The following COL27A1 variants were observed in gnomAD, a reference collection of about 807,000 sequenced individuals.
COL27A1 encodes collagen type XXVII alpha 1 chain.
A neutral mutation model predicts 251.3 loss-of-function variants in COL27A1; 106 were observed. That is an observed-to-expected ratio of 0.42 (90% CI 0.36 to 0.50). The LOEUF (loss-of-function observed/expected upper bound fraction) is 0.50. Ranked by LOEUF, COL27A1 falls within the 20% of genes least tolerant of loss-of-function variation. COL27A1 has a pLI of 0.00. For missense variants in COL27A1, 2,325 were observed against 2,522.8 expected, an observed-to-expected ratio of 0.92 and a Z score of 1.68; for synonymous variants, 1,000 against 986.3, an observed-to-expected ratio of 1.01 and a Z score of -0.26.
intron 26 of COL27A1, 36 bp downstream of exon 26, chr9:114,252,682 G>C (rs368600441): frequency 1.3e-6 from 2 of 1,597,494 alleles, no homozygotes; most frequent in African/African-American, 2.7e-5. Flanking sequence ...GCCCTCTCCT[G>C]TTGCAGCCTT....
Position 114,180,781 on chromosome 9 carries a change from G to C in COL27A1, c.1963-2241G>C, listed in dbSNP as rs116771803. 7.4e-3 allele frequency among the ~76,000 whole-genome samples: 1,133 copies of C among 152,260 alleles called. 12 individuals carry two copies. The highest frequency in any genetic ancestry group is 0.037 in the Middle Eastern group (11 of 294). On this transcript the variant is annotated intron_variant, in intron 4 of 60. Coordinates refer to ENST00000356083, the MANE Select transcript of COL27A1 (RefSeq NM_032888.4). ...AGCATTTATAGAATTGGTCTGCTTG[G>C]CTTTCAGTCAACTATGTGCCTCGTT...
chr9:114,283,845 C>T (rs1465790281), intron 40 of COL27A1, 83 bp downstream of exon 40: 2 of 1,390,040 alleles, frequency 1.4e-6, no homozygotes, highest in African/African-American at 1.4e-5. Context: ...TCTGCCCCAC[C>T]ACCTCCCAGC....
rs149908872 is a variant in COL27A1 at position 114,220,591 on chromosome 9, G to A, written c.2421+747G>A. Among the ~76,000 whole-genome samples the A allele has an allele frequency of 4.0e-4, 61 of 152,312 alleles. 1 individual carries two copies. In the South Asian group the frequency reaches 8.1e-3, roughly 20 times the overall value. On this transcript the variant is annotated intron_variant, in intron 13 of 60. Coordinates refer to ENST00000356083, the MANE Select transcript of COL27A1 (RefSeq NM_032888.4). The stretch of plus-strand genomic sequence containing the variant: ...TATAGCCTTGACCTCAGAACCCTGC[G>A]GACCTGGGTTTGAATTTTGTTGTAC...
intron 4 of COL27A1, 110 bp downstream of exon 4, chr9:114,178,454 T>C (rs1213545420): frequency 5.2e-6 from 5 of 953,952 alleles, no homozygotes; most frequent in African/African-American, 1.6e-5. Flanking sequence ...TCCCTCCCCC[T>C]CTCTGGCACC....
Position 114,183,015 on chromosome 9 carries a change from C to G in COL27A1, c.1963-7C>G, listed in dbSNP as rs773244793. The stretch of plus-strand genomic sequence containing the variant: ...CTTTTTTTGTTTTTGTTCCTTGTCT[C>G]TTTCAGGGTCCTCCTGGGCCTTATG... On this transcript the variant is annotated splice_polypyrimidine_tract_variant and splice_region_variant and intron_variant, in intron 4 of 60. Coordinates refer to ENST00000356083, the MANE Select transcript of COL27A1 (RefSeq NM_032888.4). 6 of 1,613,520 alleles carry G rather than the reference C, an allele frequency of 3.7e-6. No individual in the cohort carries two copies. The Admixed American group carries it at 8.3e-5, about 22-fold the overall frequency.
At chr9:114,235,998 C>G (rs1832369761) in intron 17 of COL27A1, among the ~76,000 whole-genome samples, 1 of 152,092 alleles carries the variant, frequency 6.6e-6, no homozygotes. Flanking sequence ...AACCAGACAT[C>G]AGGACCCCAG....
intron 23 of COL27A1, among the ~76,000 whole-genome samples, chr9:114,244,615 A>T (rs2135494591): frequency 6.6e-6 from 1 of 152,286 alleles, no homozygotes; most frequent in African/African-American, 2.4e-5. Flanking sequence ...CCTTCTGGGG[A>T]AATGGCCCAC....
Position 114,270,734 on chromosome 9 carries a change from C to T in COL27A1, c.3562C>T (p.Pro1188Ser). The change falls in exon 36 of 61, where the codon CCA (proline) becomes TCA (serine). Residue 1188 changes from proline (P) to serine (S), a missense_variant. Physicochemically the swap from Pro to Ser is moderately conservative, Grantham distance 74. This residue lies in a region of COL27A1 where 662 missense variants were observed against 795.3 expected (regional missense o/e 0.83). Transcript: ENST00000356083. ...EQGLIGQRGE[P>S]GLEGDSGPMG... ...TCTCCATCACCTTTTCCAGGGAGAGCCAGGCCTTGAGGGTGACAGTGGCCC... is the reference window on the plus strand; with the variant it reads ...TCTCCATCACCTTTTCCAGGGAGAGTCAGGCCTTGAGGGTGACAGTGGCCC... The T allele has an allele frequency of 6.2e-7, 1 of 1,611,778 alleles. No individual in the cohort carries two copies. The highest frequency in any genetic ancestry group is 8.5e-7 in the Non-Finnish European group (1 of 1,178,666).
intron 17 of COL27A1, 120 bp from the exon 18 acceptor site, chr9:114,236,861 A>G: frequency 1.2e-6 from 1 of 834,456 alleles, no homozygotes; most frequent in Non-Finnish European, 2.0e-6. Flanking sequence ...GGAAGGAAGG[A>G]GCTCATCTTC....
chr9:114,290,458 G>T lies in COL27A1; in HGVS notation c.4368+127G>T. 1.2e-6 allele frequency: 1 copy of T among 812,030 alleles called. No homozygotes were observed. Among genetic ancestry groups the T allele is most frequent in the South Asian group, 1.5e-5 (1 of 66,352 alleles). 50.3% of individuals were successfully genotyped at this position (812,030 alleles called of 1,614,324 possible). A position where few individuals can be genotyped will look rare whatever the true frequency, so the allele number is the denominator to read the frequency against. ...ATGGGCAGAACCAACACATCCAGAA[G>T]TTCTCTGGGGTGGGCAACCATCTCC... On this transcript the variant is annotated intron_variant, in intron 47 of 60. Transcript: ENST00000356083. This position sits in a 1 kb window ranked among gnomAD's most constrained non-coding sequence, Gnocchi z 4.6.
chr9:114,276,213 C>G (rs955200393), intron 37 of COL27A1, among the ~76,000 whole-genome samples: 2 of 152,226 alleles, frequency 1.3e-5, no homozygotes, highest in Non-Finnish European at 2.9e-5. Context: ...CATTCCTGCC[C>G]CCAGGCTGGG....
Position 114,292,189 on chromosome 9 carries a change from G to T in COL27A1, c.4563G>T (p.Glu1521Asp). 1 of 1,556,202 alleles carries T rather than the reference G, an allele frequency of 6.4e-7. No individual in the cohort carries two copies. The highest frequency in any genetic ancestry group is 1.2e-5 in the South Asian group (1 of 84,280). ...CGGGGCTCCCTGGAAACCAGGGGGAGCCTGGGTCCAAAGGCCAGCCGGTGA... is the reference window on the plus strand; with the variant it reads ...CGGGGCTCCCTGGAAACCAGGGGGATCCTGGGTCCAAAGGCCAGCCGGTGA... Reference protein sequence around the residue: ...GRTGLPGNQGEPGSKGQPGDS... With the variant: ...GRTGLPGNQGDPGSKGQPGDS... Residue 1521 changes from glutamate (E) to aspartate (D), a missense_variant, in exon 49 of 61, where the codon GAG (glutamate) becomes GAT (aspartate). Glu to Asp is a conservative substitution (Grantham distance 45). Coordinates refer to ENST00000356083, the MANE Select transcript of COL27A1 (RefSeq NM_032888.4).
At chr9:114,182,152 A>C (rs1456836473) in intron 4 of COL27A1, among the ~76,000 whole-genome samples, 2 of 150,446 alleles carry the variant, frequency 1.3e-5, no homozygotes, top group Non-Finnish European at 2.9e-5. Flanking sequence ...CAGCCTGGGC[A>C]GCATAGCAAG....
At chr9:114,186,019 G>A (rs1210102175) in intron 5 of COL27A1, among the ~76,000 whole-genome samples, 2 of 152,232 alleles carry the variant, frequency 1.3e-5, no homozygotes, top group East Asian at 3.9e-4. Context: ...AGGAGGCCAA[G>A]GGACCTTGCC....
chr9:114,281,497 T>G (rs1483680937), intron 37 of COL27A1, among the ~76,000 whole-genome samples: 1 of 152,202 alleles, frequency 6.6e-6, no homozygotes, highest in Admixed American at 6.5e-5. Flanking sequence ...GGGAATGGCC[T>G]GGGGACTCCA....
rs150399981 is a variant in COL27A1, at chr9:114,288,935, C to G, written c.4120C>G (p.Leu1374Val). ...GYPGQEGVQG[L>V]RGKPGQQGQP... ...CCAGGGACAGGAGGGTGTGCAAGGC[C>G]TCCGTGGAAAGCCAGGCCAGCAGGG... Residue 1374 changes from leucine (L) to valine (V), a missense_variant, in exon 44 of 61, where the codon CTC (leucine) becomes GTC (valine). Coordinates refer to ENST00000356083, the MANE Select transcript of COL27A1 (RefSeq NM_032888.4). The G allele has an allele frequency of 1.7e-5, 28 of 1,613,728 alleles. No homozygotes were observed. In the Admixed American group the frequency reaches 4.7e-4, roughly 27 times the overall value.
intron 44 of COL27A1, 113 bp downstream of exon 44, chr9:114,289,080 C>A: frequency 7.1e-7 from 1 of 1,414,080 alleles, no homozygotes; most frequent in Admixed American, 2.0e-5. Flanking sequence ...GCAGGAGGGT[C>A]TGGGGCAGCC....
chr9:114,301,533 T>C, intron 54 of COL27A1, 71 bp downstream of exon 54: 1 of 1,565,834 alleles, frequency 6.4e-7, no homozygotes, highest in South Asian at 1.2e-5. Flanking sequence ...CTCCCGGTGG[T>C]ACATTCTCTC....
chr9:114,252,819 T>A, intron 26 of COL27A1, 60 bp from the exon 27 acceptor site: 2 of 1,557,360 alleles, frequency 1.3e-6, no homozygotes, highest in Non-Finnish European at 1.8e-6. Context: ...CCGACCGAGG[T>A]GGGACTGAAG....
Sources: gnomAD v4.1 joint callset for allele counts (sites outside exome capture counted in the v4.1 genomes callset) on GRCh38, gnomAD v4.1.1 for gene constraint, gnomAD v4.1.1 regional missense constraint, Gnocchi (gnomAD v3.1) non-coding constraint, MANE v1.5 for transcripts, NCBI Gene and HGNC (gene_info 2026-07-23, HGNC 2026-07-21) for gene names.